Variants in GLRA2 observed in about 807,000 individuals in gnomAD.
GLRA2 encodes glycine receptor alpha 2.
A neutral mutation model predicts 31.6 loss-of-function variants in GLRA2; 11 were observed. The observed-to-expected ratio is 0.35, with a 90% CI of 0.22 to 0.58. The LOEUF is 0.58. Among genes scored for constraint, GLRA2 ranks in the 20% least tolerant of loss-of-function variants. GLRA2 has a pLI of 0.84. For synonymous variants in GLRA2, 132 were observed against 134.0 expected, an observed-to-expected ratio of 0.99 and a Z score of 0.10; for missense variants, 212 against 351.8, an observed-to-expected ratio of 0.60 and a Z score of 3.18.
intron 2 of GLRA2, among the ~76,000 whole-genome samples, chrX:14,554,479 T>C (rs1373791143): frequency 9.0e-6 from 1 of 111,497 alleles, no homozygotes; most frequent in African/African-American, 3.3e-5. Flanking sequence ...TAGAAAGTGC[T>C]GGGTTGCCTG....
At chrX:14,458,553 T>C in the GLRA2 span, among the ~76,000 whole-genome samples, 6 of 112,270 alleles carry the variant, frequency 5.3e-5, no homozygotes, top group African/African-American at 1.9e-4. Context: ...GACATTTTAA[T>C]GGTCGCCATT....
chrX:14,560,141 G>T (rs1344130539), intron 2 of GLRA2, among the ~76,000 whole-genome samples: 1 of 112,110 alleles, frequency 8.9e-6, no homozygotes, highest in Admixed American at 9.4e-5. Flanking sequence ...CTTTATGCTA[G>T]ACAAAATCTT....
At chrX:14,511,740 T>C in the GLRA2 span, among the ~76,000 whole-genome samples, 2 of 112,175 alleles carry the variant, frequency 1.8e-5, no homozygotes, top group African/African-American at 6.5e-5. Flanking sequence ...CATGTGATTG[T>C]GATAATGAAA....
Position 14,630,803 on chromosome X carries a change from C to CTT in GLRA2, c.930+21615_930+21616dup, listed in dbSNP as rs34851916. On this transcript the variant is annotated intron_variant, in intron 7 of 8. Transcript: ENST00000218075. ...TCGTCTGGTGAAGGTTTGGTCTCTGCTTTTTTTTTTTTTTTTTTAATACCT... is the reference window on the plus strand; with the variant it reads ...TCGTCTGGTGAAGGTTTGGTCTCTGCTTTTTTTTTTTTTTTTTTTTAATACCT... 7.8e-5 allele frequency among the ~76,000 whole-genome samples: 7 copies of CTT among 89,976 alleles called. No homozygotes were observed. In the South Asian group the frequency reaches 1.6e-3, roughly 21 times the overall value. The allele number at this position is 89,976 out of a possible 115,157, so 78.1% of individuals were successfully genotyped here.
intron 8 of GLRA2, among the ~76,000 whole-genome samples, chrX:14,713,187 C>T (rs1029603852): frequency 1.8e-5 from 2 of 112,254 alleles, no homozygotes; most frequent in Non-Finnish European, 3.8e-5. Context: ...TGATTTGTCA[C>T]TGATGCTGTT....
chrX:14,541,962 C>T (rs189214632), intron 2 of GLRA2, among the ~76,000 whole-genome samples: 20 of 111,301 alleles, frequency 1.8e-4, no homozygotes, highest in African/African-American at 5.9e-4. Flanking sequence ...TTCAAAGCCA[C>T]CTGAGAGTCT....
chrX:14,689,909 T>C (rs973542102), intron 7 of GLRA2, among the ~76,000 whole-genome samples: 1 of 112,272 alleles, frequency 8.9e-6, no homozygotes, highest in African/African-American at 3.2e-5. Context: ...AGAATCTACT[T>C]TGTCAAATTA....
At chrX:14,658,969 A>G (rs745875546) in intron 7 of GLRA2, among the ~76,000 whole-genome samples, 2 of 111,667 alleles carry the variant, frequency 1.8e-5, no homozygotes, top group African/African-American at 6.5e-5. Flanking sequence ...CAGAATATGA[A>G]CCTACTCTGA....
At chrX:14,578,695 T>G (rs1385787331) in intron 3 of GLRA2, among the ~76,000 whole-genome samples, 1 of 111,840 alleles carries the variant, frequency 8.9e-6, no homozygotes, top group Non-Finnish European at 1.9e-5. Context: ...GGATGGGGAG[T>G]ATATTTGCAA....
chrX:14,487,387 TAAAAAAA>T, the GLRA2 span, among the ~76,000 whole-genome samples: 27 of 27,946 alleles, frequency 9.7e-4, no homozygotes, highest in Non-Finnish European at 1.8e-3. Flanking sequence ...TGGTTTTCTG[TAAAAAAA>T]AAAAAAAAAA....
At chrX:14,508,106 C>CT in the GLRA2 span, among the ~76,000 whole-genome samples, 1 of 111,781 alleles carries the variant, frequency 8.9e-6, no homozygotes, top group African/African-American at 3.3e-5. Flanking sequence ...ACCTCTTTCT[C>CT]TTTTTTGCTC....
At chrX:14,606,636 C>T (rs931553438) in intron 5 of GLRA2, among the ~76,000 whole-genome samples, 1 of 110,965 alleles carries the variant, frequency 9.0e-6, no homozygotes, top group Non-Finnish European at 1.9e-5. Flanking sequence ...GCTAATAGAC[C>T]CTAGGAGGAG....
chrX:14,684,185 T>C (rs990958477), intron 7 of GLRA2, among the ~76,000 whole-genome samples: 3 of 111,720 alleles, frequency 2.7e-5, no homozygotes, highest in Admixed American at 9.5e-5. Context: ...ATCTCTGTTT[T>C]GGTACCAGTA....
intron 2 of GLRA2, among the ~76,000 whole-genome samples, chrX:14,532,979 A>G (rs1050472327): frequency 9.0e-6 from 1 of 111,724 alleles, no homozygotes; most frequent in African/African-American, 3.2e-5. Flanking sequence ...TCTTTGTTCA[A>G]TTAGAAGCAA....
intron 5 of GLRA2, among the ~76,000 whole-genome samples, chrX:14,605,882 T>C (rs2090328108): frequency 9.0e-6 from 1 of 111,351 alleles, no homozygotes; most frequent in Admixed American, 9.6e-5. Context: ...GTGGGGTATT[T>C]TGTGAGCTTA....
intron 8 of GLRA2, among the ~76,000 whole-genome samples, chrX:14,702,398 T>C (rs959801927): frequency 8.9e-6 from 1 of 112,170 alleles, no homozygotes; most frequent in Non-Finnish European, 1.9e-5. Context: ...ATAAGTAGTC[T>C]ACACTTCCCT....
At chrX:14,501,399 T>G in the GLRA2 span, among the ~76,000 whole-genome samples, 3 of 111,814 alleles carry the variant, frequency 2.7e-5, no homozygotes, top group Non-Finnish European at 5.6e-5. Flanking sequence ...CTTTTTAAAC[T>G]TTTGCTTTTG....
chrX:14,592,718 A>G (rs2090158180), intron 4 of GLRA2, among the ~76,000 whole-genome samples: 1 of 112,081 alleles, frequency 8.9e-6, no homozygotes, highest in Non-Finnish European at 1.9e-5. Context: ...ACAAATACTC[A>G]GTATCAAGTG....
chrX:14,623,274 A>G (rs2090544181), intron 7 of GLRA2, among the ~76,000 whole-genome samples: 1 of 111,831 alleles, frequency 8.9e-6, no homozygotes, highest in Non-Finnish European at 1.9e-5. Flanking sequence ...TTTTCTATAT[A>G]TACAATCATG....
Sources: allele counts gnomAD v4.1 joint callset (sites outside exome capture counted in the v4.1 genomes callset), GRCh38; gene constraint gnomAD v4.1.1; transcripts MANE v1.5; gene names NCBI Gene and HGNC (gene_info 2026-07-23, HGNC 2026-07-21).